The following VWA1 variants were observed in gnomAD, a reference collection of about 807,000 sequenced individuals.
VWA1 encodes the protein von Willebrand factor A domain-containing protein 1.
In VWA1, 12 loss-of-function variants were observed where a neutral mutation model predicts 14.9. That is an observed-to-expected ratio of 0.80 (90% CI 0.52 to 1.30). The LOEUF is 1.30. Ranked by LOEUF, VWA1 falls within the 50% of genes most tolerant of loss-of-function variation. The probability of loss-of-function intolerance (pLI) is 0.00; values close to 1 mark genes in which losing one functional copy is unlikely to be tolerated. For missense variants in VWA1, 800 were observed against 649.1 expected (o/e 1.23, Z -2.53); for synonymous variants, 368 against 310.7 (o/e 1.18, Z -1.94).
chr1:1,436,820 A>C (rs1414181598), intron 1 of VWA1, 107 bp from the exon 2 acceptor site: 2 of 1,183,262 alleles, frequency 1.7e-6, no homozygotes, highest in African/African-American at 3.1e-5. Flanking sequence ...CTTTGGGAGA[A>C]GGCAAGCATC....
chr1:1,437,630 T>A, intron 2 of VWA1, 146 bp downstream of exon 2: 1 of 1,034,532 alleles, frequency 9.7e-7, no homozygotes, highest in Non-Finnish European at 1.4e-6. Context: ...CAGGGCTGAG[T>A]GATGCAGCTT....
chr1:1,439,984 C>G lies in VWA1; in HGVS notation c.*197C>G. 1 of 582,128 alleles carries G rather than the reference C, an allele frequency of 1.7e-6. No individual in the cohort carries two copies. Among genetic ancestry groups the G allele is most frequent in the Non-Finnish European group, 2.2e-6 (1 of 446,674 alleles). The allele number at this position is 582,128 out of a possible 1,614,324, so 36.1% of individuals were successfully genotyped here. A position where few individuals can be genotyped will look rare whatever the true frequency, so the allele number is the denominator to read the frequency against. On this transcript the variant is annotated 3_prime_UTR_variant, in exon 3 of 3. Transcript: ENST00000476993. ...CGCCTGCCCTCCAGGGCTGGGGCCT[C>G]GCCTGGCGGGACCCCGCAGCAGCCC... is the stretch of plus-strand genomic sequence containing the variant.
At position 1,439,382 on chromosome 1, in the gene VWA1, G is replaced by A. The variant is rs546896256; in HGVS notation, c.933G>A (p.Ser311=). ...CCGGTGAGGCAGGGCCGGGGGCTTCGGGCCCGGAGTCGGGGGCTGGGCCGG... is the reference window on the plus strand; with the variant it reads ...CCGGTGAGGCAGGGCCGGGGGCTTCAGGCCCGGAGTCGGGGGCTGGGCCGG... ...TRPGEAGPGA[S]GPESGAGPAP... is the part of the protein sequence containing the mutation. Residue 311 remains serine (S), a synonymous_variant, in exon 3 of 3, where the codon TCG becomes TCA. Coordinates refer to ENST00000476993, the MANE Select transcript of VWA1 (RefSeq NM_022834.5). 1.4e-3 allele frequency: 2,071 copies of A among 1,491,740 alleles called. 19 individuals carry two copies. The African/African-American group carries it at 0.021, about 15-fold the overall frequency. The allele number at this position is 1,491,740 out of a possible 1,614,324, so 92.4% of individuals were successfully genotyped here.
rs745450359 is a variant in VWA1 at position 1,437,346 on chromosome 1, G to A, written c.493G>A (p.Val165Met). The A allele has an allele frequency of 1.4e-5, 23 of 1,612,490 alleles. No homozygotes were observed. The highest frequency in any genetic ancestry group is 1.0e-4 in the Admixed American group (6 of 59,976). ...GGAGCTCAAGGACCTGGGCGTCACC[G>A]TGTTCATTGTCAGCACCGGCCGAGG... Reference protein sequence around the residue: ...MQELKDLGVTVFIVSTGRGNF... With the variant: ...MQELKDLGVTMFIVSTGRGNF... The change falls in exon 2 of 3, where the codon GTG (valine) becomes ATG (methionine). Residue 165 changes from valine to methionine, a missense_variant. Physicochemically the swap from Val to Met is conservative, Grantham distance 21. Coordinates refer to ENST00000476993, the MANE Select transcript of VWA1 (RefSeq NM_022834.5).
rs992294656 is a variant in VWA1, at chr1:1,437,447, G to A, written c.594G>A (p.Leu198=). Residue 198 remains leucine, a synonymous_variant, in exon 2 of 3, where the codon CTG becomes CTA. Coordinates refer to ENST00000476993, the MANE Select transcript of VWA1 (RefSeq NM_022834.5). Reference sequence around the variant, plus strand: ...TGCACTTTGTGGACGTGGATGACCTGCACATCATTGTCCAAGAGCTGAGGG... The same window carrying A: ...TGCACTTTGTGGACGTGGATGACCTACACATCATTGTCCAAGAGCTGAGGG... ...KHLHFVDVDD[L]HIIVQELRGS... The A allele has an allele frequency of 1.9e-6, 3 of 1,611,458 alleles. No individual in the cohort carries two copies. The highest frequency in any genetic ancestry group is 1.7e-6 in the Non-Finnish European group (2 of 1,178,948).
At chr1:1,436,445 G>A (rs758282440) in intron 1 of VWA1, among the ~76,000 whole-genome samples, 1 of 152,228 alleles carries the variant, frequency 6.6e-6, no homozygotes, top group Non-Finnish European at 1.5e-5. Context: ...GCCATCCGGC[G>A]TGGTCATTGC....
chr1:1,436,717 A>T, intron 1 of VWA1: 1 of 566,262 alleles, frequency 1.8e-6, no homozygotes, highest in Non-Finnish European at 3.1e-6. Context: ...ACACAAGCCC[A>T]GAGAGAGCCC....
chr1:1,435,724 G>C lies in VWA1; in HGVS notation c.-25G>C. The C allele has an allele frequency of 8.4e-7, 1 of 1,197,064 alleles. No individual in the cohort carries two copies. Among genetic ancestry groups the C allele is most frequent in the South Asian group, 2.3e-5 (1 of 44,380 alleles). The allele number at this position is 1,197,064 out of a possible 1,614,324, so 74.2% of individuals were successfully genotyped here. On this transcript the variant is annotated 5_prime_UTR_variant, in exon 1 of 3. Coordinates refer to ENST00000476993, the MANE Select transcript of VWA1 (RefSeq NM_022834.5). ...CGAGCGAGCGAGCGAGCGAGTTGCC[G>C]AGCGCGCCCCGTCCCTCGCGCGCGA...
At position 1,439,173 on chromosome 1, in the gene VWA1, T is replaced by C. The variant is rs1444967432; in HGVS notation, c.724T>C (p.Tyr242His). 2 of 1,605,122 alleles carry C rather than the reference T, an allele frequency of 1.2e-6. No individual in the cohort carries two copies. Among genetic ancestry groups the C allele is most frequent in the Non-Finnish European group, 1.7e-6 (2 of 1,179,426 alleles). ...WPPLLTADSG[Y>H]YVLELVPSAQ... ...ACCCCTGCTGACCGCAGACTCGGGC[T>C]ACTATGTGCTGGAGCTGGTGCCCAG... is the stretch of plus-strand genomic sequence containing the variant. Residue 242 changes from tyrosine to histidine, a missense_variant, in exon 3 of 3, where the codon TAC becomes CAC. By Grantham distance (83) the Tyr-to-His change is moderately conservative. Coordinates refer to ENST00000476993, the MANE Select transcript of VWA1 (RefSeq NM_022834.5).
rs1233623348 is a variant in VWA1, at chr1:1,437,373, A to G, written c.520A>G (p.Asn174Asp). The change falls in exon 2 of 3, where the codon AAC becomes GAC. Residue 174 changes from asparagine (N) to aspartate (D), a missense_variant. Physicochemically the swap from Asn to Asp is conservative, Grantham distance 23. Transcript: ENST00000476993. ...TVFIVSTGRG[N>D]FLELSAAASA... is the part of the protein sequence containing the mutation. ...GTTCATTGTCAGCACCGGCCGAGGC[A>G]ACTTCCTGGAGCTGTCAGCCGCTGC... 6.2e-7 allele frequency: 1 copy of G among 1,612,826 alleles called. No individual in the cohort carries two copies.
rs568223862 is a variant in VWA1 at position 1,437,246 on chromosome 1, C to T, written c.393C>T (p.Ala131=). ...KEQLFAEASG[A]RPGVPKVLVW... is the part of the protein sequence containing the mutation. ...AGCTGTTTGCTGAAGCATCAGGTGC[C>T]CGGCCAGGGGTGCCCAAAGTGCTGG... The change falls in exon 2 of 3, where the codon GCC becomes GCT. Residue 131 remains alanine, a synonymous_variant. Coordinates refer to ENST00000476993, the MANE Select transcript of VWA1 (RefSeq NM_022834.5). 5.6e-6 allele frequency: 9 copies of T among 1,610,778 alleles called. No individual in the cohort carries two copies. Among genetic ancestry groups the T allele is most frequent in the Admixed American group, 5.0e-5 (3 of 59,662 alleles).
Position 1,437,412 on chromosome 1 carries a change from G to A in VWA1, c.559G>A (p.Glu187Lys), listed in dbSNP as rs534874903. ...GTCAGCCGCTGCCTCAGCCCCTGCCGAGAAGCACCTGCACTTTGTGGACGT... is the reference window on the plus strand; with the variant it reads ...GTCAGCCGCTGCCTCAGCCCCTGCCAAGAAGCACCTGCACTTTGTGGACGT... ...ELSAAASAPA[E>K]KHLHFVDVDD... Residue 187 changes from glutamate to lysine, a missense_variant, in exon 2 of 3, where the codon GAG becomes AAG. Coordinates refer to ENST00000476993, the MANE Select transcript of VWA1 (RefSeq NM_022834.5). 4.5e-5 allele frequency: 73 copies of A among 1,612,674 alleles called. 1 individual carries two copies. In the South Asian group the frequency reaches 6.9e-4, roughly 15 times the overall value.
At chr1:1,437,631 G>A in intron 2 of VWA1, 147 bp downstream of exon 2, 1 of 1,038,140 alleles carries the variant, frequency 9.6e-7, no homozygotes, top group Non-Finnish European at 1.4e-6. Flanking sequence ...AGGGCTGAGT[G>A]ATGCAGCTTG....
rs1478478952 is a variant in VWA1, at chr1:1,440,908, C to T, written c.*1121C>T. On this transcript the variant is annotated 3_prime_UTR_variant, in exon 3 of 3. Coordinates refer to ENST00000476993, the MANE Select transcript of VWA1 (RefSeq NM_022834.5). ...CCCAGTGTCAGGCCTCCTTGGTCCT[C>T]ATGTGCACCTTTTATTCAGAGAGCT... 3.3e-5 allele frequency: 5 copies of T among 152,330 alleles called. No homozygotes were observed. Among genetic ancestry groups the T allele is most frequent in the African/African-American group, 1.2e-4 (5 of 41,448 alleles). 9.4% of individuals were successfully genotyped at this position (152,330 alleles called of 1,614,324 possible).
At position 1,435,803 on chromosome 1, in the gene VWA1, C is replaced by T. The variant is rs1261164493; in HGVS notation, c.55C>T (p.Arg19Trp). 5.1e-6 allele frequency: 6 copies of T among 1,182,378 alleles called. No homozygotes were observed. The highest frequency in any genetic ancestry group is 6.3e-6 in the Non-Finnish European group (6 of 956,300). The allele number at this position is 1,182,378 out of a possible 1,614,324, so 73.2% of individuals were successfully genotyped here. The change falls in exon 1 of 3, where the codon CGG (arginine) becomes TGG (tryptophan). Residue 19 changes from arginine (R) to tryptophan (W), a missense_variant. Coordinates refer to ENST00000476993, the MANE Select transcript of VWA1 (RefSeq NM_022834.5). ...LALSLRLALARSGAERGPPAS... is the reference protein window; with the variant it reads ...LALSLRLALAWSGAERGPPAS... ...CCTGAGCTTGCGGCTGGCGCTGGCG[C>T]GGAGCGGCGCGGAGCGCGGTGAGTG...
Position 1,439,454 on chromosome 1 carries a change from A to T in VWA1, c.1005A>T (p.Pro335=), listed in dbSNP as rs1892289. The T allele has an allele frequency of 2.1e-6, 3 of 1,421,900 alleles. No homozygotes were observed. Among genetic ancestry groups the T allele is most frequent in the South Asian group, 1.4e-5 (1 of 69,360 alleles). 88.1% of individuals were successfully genotyped at this position (1,421,900 alleles called of 1,614,324 possible). Reference sequence around the variant, plus strand: ...TCCCCGCCCCAGAGGAGGCCGGGCCAGAGCGCATCGTCATCTCCCACGCCC... The same window carrying T: ...TCCCCGCCCCAGAGGAGGCCGGGCCTGAGCGCATCGTCATCTCCCACGCCC... ...AALPAPEEAG[P]ERIVISHARP... The change falls in exon 3 of 3, where the codon CCA becomes CCT. Residue 335 remains proline, a synonymous_variant. Coordinates refer to ENST00000476993, the MANE Select transcript of VWA1 (RefSeq NM_022834.5).
chr1:1,436,135 C>T (rs1638535190), intron 1 of VWA1, among the ~76,000 whole-genome samples: 2 of 152,166 alleles, frequency 1.3e-5, no homozygotes, highest in South Asian at 2.1e-4. Context: ...CCTACCCTTG[C>T]GAGGGCCCTT....
chr1:1,437,241 G>C lies in VWA1; in HGVS notation c.388G>C (p.Gly130Arg), dbSNP rs1047003196. Residue 130 changes from glycine (G) to arginine (R), a missense_variant, in exon 2 of 3, where the codon GGT (glycine) becomes CGT (arginine). Physicochemically the swap from Gly to Arg is moderately radical, Grantham distance 125 (BLOSUM62 -2). Transcript: ENST00000476993. The stretch of plus-strand genomic sequence containing the variant: ...GGAACAGCTGTTTGCTGAAGCATCA[G>C]GTGCCCGGCCAGGGGTGCCCAAAGT... ...AKEQLFAEAS[G>R]ARPGVPKVLV... The C allele has an allele frequency of 1.5e-5, 24 of 1,611,106 alleles. No individual in the cohort carries two copies. The highest frequency in any genetic ancestry group is 2.0e-5 in the Non-Finnish European group (24 of 1,179,264).
chr1:1,435,843 G>A, intron 1 of VWA1, 22 bp downstream of exon 1: 2 of 1,128,150 alleles, frequency 1.8e-6, no homozygotes, highest in East Asian at 6.9e-5. Flanking sequence ...GGGCGGCCGG[G>A]CCGGGGCTGG....
Sources: gnomAD v4.1 joint callset for allele counts (sites outside exome capture counted in the v4.1 genomes callset) on GRCh38, gnomAD v4.1.1 for gene constraint, MANE v1.5 for transcripts, NCBI Gene and HGNC (gene_info 2026-07-23, HGNC 2026-07-21) for gene names.